Variants in KLRG1 observed in about 807,000 individuals in gnomAD.
KLRG1 encodes the protein killer cell lectin-like receptor subfamily G member 1.
In KLRG1, 16 loss-of-function variants were observed where a neutral mutation model predicts 21.8. The observed-to-expected ratio is 0.73, with a 90% CI of 0.50 to 1.11. KLRG1 has a LOEUF of 1.11. Ranked by LOEUF, KLRG1 falls within the 50% of genes most tolerant of loss-of-function variation. The pLI, the probability that KLRG1 is intolerant of heterozygous loss-of-function variation, is 0.00. For missense variants in KLRG1, 173 were observed against 218.3 expected, an observed-to-expected ratio of 0.79 and a Z score of 1.31; for synonymous variants, 69 against 75.9, an observed-to-expected ratio of 0.91 and a Z score of 0.47.
At chr12:8,988,024 C>A (rs1430226429), upstream of KLRG1, among the ~76,000 whole-genome samples, 2 of 152,174 alleles carry the variant, frequency 1.3e-5, no homozygotes, top group African/African-American at 4.8e-5. Flanking sequence ...CCTTTCTGTT[C>A]AGCTCTTGGC....
the KLRG1 span, among the ~76,000 whole-genome samples, chr12:9,046,587 A>G: frequency 6.6e-6 from 1 of 152,232 alleles, no homozygotes. Context: ...TGCAAGCAAG[A>G]AGAGAGTGGA....
chr12:9,028,951 T>G, the KLRG1 span: 2 of 629,184 alleles, frequency 3.2e-6, no homozygotes, highest in South Asian at 2.8e-5. Context: ...TTTGGGTCTC[T>G]CATTACGGCA....
At chr12:9,129,435 A>G in the KLRG1 span, among the ~76,000 whole-genome samples, 9 of 152,218 alleles carry the variant, frequency 5.9e-5, no homozygotes, top group African/African-American at 2.2e-4. Context: ...TATACTTATT[A>G]TAAAATATAT....
At chr12:9,056,727 AT>A in the KLRG1 span, among the ~76,000 whole-genome samples, 1 of 151,996 alleles carries the variant, frequency 6.6e-6, no homozygotes, top group African/African-American at 2.4e-5. Flanking sequence ...TTATTTTTCA[AT>A]TTTTTGTAGA....
the KLRG1 span, among the ~76,000 whole-genome samples, chr12:9,183,631 G>A: frequency 7.2e-5 from 11 of 152,166 alleles, no homozygotes; most frequent in Middle Eastern, 3.4e-3. Context: ...CAAACTCCTC[G>A]GTTCAAGCAA....
the KLRG1 span, chr12:9,098,505 A>G: frequency 1.5e-6 from 2 of 1,314,452 alleles, no homozygotes; most frequent in Non-Finnish European, 2.0e-6. Flanking sequence ...TTCCTAGATA[A>G]ATATAATTTT....
the KLRG1 span, among the ~76,000 whole-genome samples, chr12:9,041,976 C>A: frequency 1.3e-5 from 2 of 152,118 alleles, no homozygotes; most frequent in Middle Eastern, 3.2e-3. Flanking sequence ...GTTTGGGGAC[C>A]AGGTGATGAG....
At chr12:8,960,963 C>G (rs11048262) in intron 1 of KLRG1, among the ~76,000 whole-genome samples, 1 of 152,192 alleles carries the variant, frequency 6.6e-6, no homozygotes, top group African/African-American at 2.4e-5. Flanking sequence ...AATTTCTACC[C>G]TGATTATCAA....
At chr12:9,200,945 A>G in the KLRG1 span, 4 of 1,614,104 alleles carry the variant, frequency 2.5e-6, no homozygotes, top group African/African-American at 1.3e-5. Context: ...TTCTGTCTGT[A>G]CCACCACCCT....
intron 3 of KLRG1, among the ~76,000 whole-genome samples, chr12:9,006,858 C>T (rs964350458): frequency 2.6e-5 from 4 of 152,176 alleles, no homozygotes; most frequent in African/African-American, 9.7e-5. Context: ...GAGGACAGAG[C>T]TAGGAGGCTC....
the KLRG1 span, chr12:9,115,457 A>G: frequency 5.0e-6 from 1 of 200,116 alleles, no homozygotes; most frequent in South Asian, 9.5e-5. Context: ...AGGAAATAAG[A>G]AAAGATAAAT....
At chr12:9,065,131 G>A in the KLRG1 span, 2 of 147,894 alleles carry the variant, frequency 1.4e-5, no homozygotes, top group African/African-American at 2.5e-5. Context: ...GCCCAGGGAG[G>A]ACCTGGAACA....
chr12:9,133,232 G>A, the KLRG1 span, among the ~76,000 whole-genome samples: 1 of 152,086 alleles, frequency 6.6e-6, no homozygotes, highest in Non-Finnish European at 1.5e-5. Flanking sequence ...AGAAGTTAAA[G>A]AAAAAAGTGA....
At chr12:9,079,761 T>C in the KLRG1 span, 1 of 1,613,278 alleles carries the variant, frequency 6.2e-7, no homozygotes, top group East Asian at 2.2e-5. Flanking sequence ...TCCACAGCCA[T>C]AGGGCATCTG....
the KLRG1 span, among the ~76,000 whole-genome samples, chr12:9,120,886 T>TGTGTGTGTGTGTA: frequency 8.1e-5 from 12 of 148,030 alleles, no homozygotes; most frequent in South Asian, 2.1e-4. Flanking sequence ...TGTGTGTGTA[T>TGTGTGTGTGTGTA]TTTTTTTTTT....
the KLRG1 span, among the ~76,000 whole-genome samples, chr12:9,180,070 G>A: frequency 6.6e-6 from 1 of 152,142 alleles, no homozygotes. Flanking sequence ...AAACTATCAA[G>A]TACTCGGCAA....
chr12:9,122,083 C>A, the KLRG1 span, among the ~76,000 whole-genome samples: 1 of 152,246 alleles, frequency 6.6e-6, no homozygotes, highest in Admixed American at 6.5e-5. Context: ...TATACTGTAT[C>A]TTTATTTTCT....
intron 1 of KLRG1, among the ~76,000 whole-genome samples, chr12:8,980,641 A>G (rs1946739372): frequency 6.6e-6 from 1 of 152,172 alleles, no homozygotes; most frequent in Non-Finnish European, 1.5e-5. Context: ...TGGGTCTGAT[A>G]GGTGAGTGCA....
At chr12:9,027,613 C>T in the KLRG1 span, 1 of 874,316 alleles carries the variant, frequency 1.1e-6, no homozygotes. Flanking sequence ...AAGCATTGGC[C>T]TCCACCACCA....
Sources: gnomAD v4.1 joint callset for allele counts (sites outside exome capture counted in the v4.1 genomes callset) on GRCh38, gnomAD v4.1.1 for gene constraint, MANE v1.5 for transcripts, NCBI Gene and HGNC (gene_info 2026-07-23, HGNC 2026-07-21) for gene names.